The following CERS6 variants were observed in gnomAD, a reference collection of about 807,000 sequenced individuals.
CERS6 encodes ceramide synthase 6, also known as LAG1 homolog, ceramide synthase 6.
In CERS6, 26 loss-of-function variants were observed where a neutral mutation model predicts 56.8. The ratio of observed to expected loss-of-function variants is 0.46; its 90% CI spans 0.34 to 0.63. The LOEUF is 0.63. Among genes scored for constraint, CERS6 ranks in the 30% least tolerant of loss-of-function variants. The probability of loss-of-function intolerance (pLI) is 0.01; values close to 1 mark genes in which losing one functional copy is unlikely to be tolerated. For synonymous variants in CERS6, 164 were observed against 173.3 expected (o/e 0.95, Z 0.42); for missense variants, 415 against 467.5 (o/e 0.89, Z 1.04).
At chr2:168,560,363 A>G (rs1481106178) in intron 2 of CERS6, among the ~76,000 whole-genome samples, 1 of 152,210 alleles carries the variant, frequency 6.6e-6, no homozygotes, top group Non-Finnish European at 1.5e-5. Context: ...ACTGAGTTGT[A>G]CATACAGTTT....
chr2:168,755,518 A>G (rs1684390299), intron 8 of CERS6, among the ~76,000 whole-genome samples: 1 of 152,184 alleles, frequency 6.6e-6, no homozygotes, highest in South Asian at 2.1e-4. Context: ...GGCTGTGATC[A>G]GTGCAATAAC....
At chr2:168,646,489 G>A (rs956105432) in intron 4 of CERS6, among the ~76,000 whole-genome samples, 2 of 152,094 alleles carry the variant, frequency 1.3e-5, no homozygotes, top group Non-Finnish European at 2.9e-5. Context: ...TCTATAGGTT[G>A]TTTGTTTACT....
chr2:168,736,144 C>G (rs147157160), intron 8 of CERS6, among the ~76,000 whole-genome samples: 1 of 152,146 alleles, frequency 6.6e-6, no homozygotes, highest in Non-Finnish European at 1.5e-5. Flanking sequence ...TCTTCTCATA[C>G]TTTTGTTACC....
At chr2:168,681,049 A>G (rs1357805347) in intron 4 of CERS6, among the ~76,000 whole-genome samples, 2 of 152,232 alleles carry the variant, frequency 1.3e-5, no homozygotes, top group African/African-American at 2.4e-5. Context: ...TACCTGATGC[A>G]TGGTAGGCAC....
chr2:168,457,442 T>C (rs1231286860), intron 1 of CERS6, among the ~76,000 whole-genome samples: 5 of 152,176 alleles, frequency 3.3e-5, no homozygotes, highest in Admixed American at 3.3e-4. Flanking sequence ...ACATACAAAC[T>C]TGTGTTATTC....
intron 6 of CERS6, among the ~76,000 whole-genome samples, chr2:168,701,032 T>C (rs1686792335): frequency 6.6e-6 from 1 of 152,148 alleles, no homozygotes. Context: ...AGTATTATAG[T>C]TGCCGGCATG....
intron 1 of CERS6, among the ~76,000 whole-genome samples, chr2:168,472,761 A>G (rs568171476): frequency 6.6e-6 from 1 of 152,332 alleles, no homozygotes; most frequent in East Asian, 1.9e-4. Flanking sequence ...TTTAAAAGAT[A>G]AACAGATTAA....
chr2:168,766,299 T>C, intron 9 of CERS6: 3 of 1,597,110 alleles, frequency 1.9e-6, no homozygotes, highest in Non-Finnish European at 2.5e-6. Context: ...TTGTTTGTTC[T>C]CTTCCTTCTG....
At chr2:168,533,054 G>C (rs1353999096) in intron 1 of CERS6, among the ~76,000 whole-genome samples, 1 of 152,116 alleles carries the variant, frequency 6.6e-6, no homozygotes, top group Non-Finnish European at 1.5e-5. Flanking sequence ...ACCCTAAAAG[G>C]TTATTGCCTT....
At chr2:168,480,245 G>T (rs919776681) in intron 1 of CERS6, among the ~76,000 whole-genome samples, 3 of 152,184 alleles carry the variant, frequency 2.0e-5, no homozygotes, top group Non-Finnish European at 2.9e-5. Flanking sequence ...AAAGTATAGG[G>T]AGTCTTCCCC....
At chr2:168,668,247 C>G (rs1438717586) in intron 4 of CERS6, among the ~76,000 whole-genome samples, 1 of 152,098 alleles carries the variant, frequency 6.6e-6, no homozygotes, top group Non-Finnish European at 1.5e-5. Context: ...CTTTCCTAAC[C>G]CCATTATTCC....
intron 4 of CERS6, among the ~76,000 whole-genome samples, chr2:168,635,363 A>G (rs1357386365): frequency 6.6e-6 from 1 of 152,200 alleles, no homozygotes; most frequent in East Asian, 1.9e-4. Flanking sequence ...ATGAACTGCT[A>G]CTGCTGGAGT....
intron 1 of CERS6, among the ~76,000 whole-genome samples, chr2:168,518,540 TCTCCTTCCTCCCA>T (rs1694922919): frequency 6.6e-6 from 1 of 152,140 alleles, no homozygotes; most frequent in Non-Finnish European, 1.5e-5. Flanking sequence ...GCCTCCTGCC[TCTCCTTCCTCCCA>T]CTCCCTAATT....
intron 6 of CERS6, among the ~76,000 whole-genome samples, chr2:168,701,437 T>C (rs995893009): frequency 1.3e-5 from 2 of 152,256 alleles, no homozygotes; most frequent in East Asian, 3.9e-4. Flanking sequence ...CATTTGCCTT[T>C]CTCCCAGTGT....
chr2:168,758,426 G>T (rs940842453), intron 8 of CERS6, among the ~76,000 whole-genome samples: 1 of 152,206 alleles, frequency 6.6e-6, no homozygotes, highest in Non-Finnish European at 1.5e-5. Context: ...AATTATTATT[G>T]TGGGTTTTTT....
chr2:168,574,406 GTGTGTGTGTCAAGCAT>G (rs1276705551), intron 3 of CERS6, among the ~76,000 whole-genome samples: 71 of 81,988 alleles, frequency 8.7e-4, no homozygotes, highest in African/African-American at 2.2e-3. Flanking sequence ...GTGTGTGTGT[GTGTGTGTGTCAAGCAT>G]TTACTATCTG....
chr2:168,773,034 T>G lies in CERS6; in HGVS notation c.*3372T>G, dbSNP rs1684906809. The stretch of plus-strand genomic sequence containing the variant: ...TAGAAAGGGCCTGAATCTTCCATTT[T>G]ATATTCAAACCTCATTGTTATTTGG... On this transcript the variant is annotated 3_prime_UTR_variant, in exon 10 of 10. Coordinates refer to ENST00000305747, the MANE Select transcript of CERS6 (RefSeq NM_203463.3). The G allele has an allele frequency of 6.6e-6, 1 of 152,234 alleles. No homozygotes were observed. Among genetic ancestry groups the G allele is most frequent in the Non-Finnish European group, 1.5e-5 (1 of 68,034 alleles). The allele number at this position is 152,234 out of a possible 1,614,324, so 9.4% of individuals were successfully genotyped here. A position where few individuals can be genotyped will look rare whatever the true frequency, so the allele number is the denominator to read the frequency against.
At chr2:168,502,658 A>C (rs1026169907) in intron 1 of CERS6, among the ~76,000 whole-genome samples, 3 of 152,230 alleles carry the variant, frequency 2.0e-5, no homozygotes, top group African/African-American at 7.2e-5. Flanking sequence ...AGAGCATGCC[A>C]AAATCATGAG....
intron 3 of CERS6, among the ~76,000 whole-genome samples, chr2:168,619,408 G>T (rs960699513): frequency 1.2e-4 from 19 of 152,146 alleles, no homozygotes; most frequent in Non-Finnish European, 1.8e-4. Context: ...AGTCAGCAGA[G>T]TAAATAGAGC....
Sources: allele counts gnomAD v4.1 joint callset (sites outside exome capture counted in the v4.1 genomes callset), GRCh38; gene constraint gnomAD v4.1.1; transcripts MANE v1.5; gene names NCBI Gene and HGNC (gene_info 2026-07-23, HGNC 2026-07-21).